Variants in FCGR1A observed in about 807,000 individuals in gnomAD.
The protein encoded by FCGR1A is Fc gamma receptor Ia, also known as high affinity immunoglobulin gamma Fc receptor I.
Under a neutral mutation model 35.0 loss-of-function variants are expected in FCGR1A, and 13 were observed. The ratio of observed to expected loss-of-function variants is 0.37; its 90% CI spans 0.24 to 0.59. The LOEUF is 0.59. Among genes scored for constraint, FCGR1A ranks in the 20% least tolerant of loss-of-function variants. The pLI is 0.71. For synonymous variants in FCGR1A, 91 were observed against 164.7 expected, an observed-to-expected ratio of 0.55 and a Z score of 3.43; for missense variants, 227 against 430.0, an observed-to-expected ratio of 0.53 and a Z score of 4.17.
At chr1:149,798,356 G>A in the FCGR1A span, among the ~76,000 whole-genome samples, 1 of 150,214 alleles carries the variant, frequency 6.7e-6, no homozygotes. Context: ...GATGGTATAG[G>A]CATAATTATA....
the FCGR1A span, among the ~76,000 whole-genome samples, chr1:149,797,152 A>G: frequency 6.6e-6 from 1 of 152,162 alleles, no homozygotes; most frequent in Non-Finnish European, 1.5e-5. Context: ...ACTTCAAATA[A>G]TTCACCCACC....
intron 3 of FCGR1A, chr1:149,787,110 G>A (rs1193866751): frequency 1.3e-5 from 2 of 152,262 alleles, no homozygotes; most frequent in African/African-American, 4.8e-5. Context: ...AGATGGCAGT[G>A]TTTGGGCAGT....
At chr1:149,792,294 A>C (rs1245572432), downstream of FCGR1A, 6 of 224,456 alleles carry the variant, frequency 2.7e-5, no homozygotes, top group African/African-American at 1.5e-4. Context: ...AAGTGGGGAG[A>C]AGCGGCGATA....
In FCGR1A at chr1:149,785,618, A is replaced by C. The variant is rs587647367; in HGVS notation, c.307+1361A>C. 3 of 151,468 alleles carry C rather than the reference A, an allele frequency of 2.0e-5. No individual in the cohort carries two copies. The East Asian group carries it at 5.8e-4, about 29-fold the overall frequency. The allele number at this position is 151,468 out of a possible 1,614,324, so 9.4% of individuals were successfully genotyped here. A position where few individuals can be genotyped will look rare whatever the true frequency, so the allele number is the denominator to read the frequency against. Reference sequence around the variant, plus strand: ...GTCCATTTTCTTTACCTCTACACAGACTCTAGGACACTCAGCATCAGTGAC... The same window carrying C: ...GTCCATTTTCTTTACCTCTACACAGCCTCTAGGACACTCAGCATCAGTGAC... On this transcript the variant is annotated intron_variant, in intron 3 of 5. Coordinates refer to ENST00000369168, the MANE Select transcript of FCGR1A (RefSeq NM_000566.4).
In FCGR1A at chr1:149,790,445, T is replaced by C. The variant is rs587741758; in HGVS notation, c.844+107T>C. The stretch of plus-strand genomic sequence containing the variant: ...TTTTGGCCCAGACAGGAGGGGAAAG[T>C]CTCTTCAGGAAAAGCCCACAAGCAG... On this transcript the variant is annotated intron_variant, in intron 5 of 5. Coordinates refer to ENST00000369168, the MANE Select transcript of FCGR1A (RefSeq NM_000566.4). 27 of 1,535,208 alleles carry C rather than the reference T, an allele frequency of 1.8e-5. No homozygotes were observed. In the African/African-American group the frequency reaches 2.6e-4, roughly 15 times the overall value.
chr1:149,797,294 G>C, the FCGR1A span, among the ~76,000 whole-genome samples: 1 of 151,846 alleles, frequency 6.6e-6, no homozygotes, highest in Non-Finnish European at 1.5e-5. Flanking sequence ...CTTTATTCAG[G>C]TATTTTACTT....
chr1:149,794,357 G>A (rs1263207585), downstream of FCGR1A, among the ~76,000 whole-genome samples: 1 of 151,620 alleles, frequency 6.6e-6, no homozygotes. Context: ...GGGGAACGGG[G>A]TAGCAAGAAG....
downstream of FCGR1A, chr1:149,792,429 C>T (rs1553752063): frequency 1.2e-6 from 1 of 810,746 alleles, no homozygotes; most frequent in African/African-American, 2.0e-5. Flanking sequence ...TATTTTCCTG[C>T]CACTGTGTAA....
intron 4 of FCGR1A, among the ~76,000 whole-genome samples, 157 bp from the exon 5 acceptor site, chr1:149,789,897 C>A (rs1433397328): frequency 2.6e-5 from 4 of 152,124 alleles, no homozygotes; most frequent in Admixed American, 2.6e-4. Context: ...TATTAGGACA[C>A]CCCAAGAATG....
At chr1:149,793,693 G>A (rs587727646), downstream of FCGR1A, among the ~76,000 whole-genome samples, 55 of 151,796 alleles carry the variant, frequency 3.6e-4, no homozygotes, top group African/African-American at 1.0e-3. Context: ...GAGCAGAACC[G>A]GCATTAGGTT....
chr1:149,794,268 A>AG (rs1378523493), downstream of FCGR1A, among the ~76,000 whole-genome samples: 37 of 151,058 alleles, frequency 2.4e-4, no homozygotes, highest in East Asian at 3.9e-4. Context: ...GAGAAAGAGA[A>AG]GGGGGGGGAA....
chr1:149,795,759 G>T (rs1392661098), downstream of FCGR1A, among the ~76,000 whole-genome samples: 2 of 150,222 alleles, frequency 1.3e-5, no homozygotes, highest in Non-Finnish European at 3.0e-5. Flanking sequence ...CTGTAAGGCC[G>T]CTTATAAAAA....
chr1:149,797,933 TA>T, the FCGR1A span, among the ~76,000 whole-genome samples: 1 of 151,896 alleles, frequency 6.6e-6, no homozygotes, highest in Admixed American at 6.6e-5. Flanking sequence ...GTTTTAATAT[TA>T]TTTGCCATGA....
chr1:149,786,448 C>G (rs2091551993), intron 3 of FCGR1A: 1 of 152,154 alleles, frequency 6.6e-6, no homozygotes, highest in Non-Finnish European at 1.5e-5. Context: ...TACTACAGTA[C>G]AATACACCAA....
At chr1:149,790,013 G>A (rs782116006) in intron 4 of FCGR1A, 41 bp from the exon 5 acceptor site, 3 of 1,611,882 alleles carry the variant, frequency 1.9e-6, no homozygotes, top group Admixed American at 1.7e-5. Flanking sequence ...GGACCTGGAT[G>A]CTAAACAGGC....
At position 149,784,130 on chromosome 1, in the gene FCGR1A, C is replaced by A. The variant is rs1462322124; in HGVS notation, c.180C>A (p.Gly60=). The A allele has an allele frequency of 1.2e-6, 2 of 1,611,698 alleles. No homozygotes were observed. The highest frequency in any genetic ancestry group is 1.7e-6 in the Non-Finnish European group (2 of 1,179,864). Residue 60 remains glycine (G), a synonymous_variant, in exon 3 of 6, where the codon GGC becomes GGA. Transcript: ENST00000369168. ...GCTCTACACAGTGGTTTCTCAATGG[C>A]ACAGCCACTCAGACCTCGACCCCCA... The part of the protein sequence containing the change: ...GSSSTQWFLN[G]TATQTSTPSY...
At chr1:149,785,279 G>A (rs2091510899) in intron 3 of FCGR1A, among the ~76,000 whole-genome samples, 1 of 152,046 alleles carries the variant, frequency 6.6e-6, no homozygotes, top group Non-Finnish European at 1.5e-5. Context: ...GCTGTTAGAG[G>A]AAATGTGTTT....
chr1:149,788,212 A>G lies in FCGR1A; in HGVS notation c.308-154A>G, dbSNP rs1169018861. ...ATTGCTTTTCTTTCCACCAAAGCTA[A>G]AGATATTTGAGGAACTGGATATAGG... On this transcript the variant is annotated intron_variant, in intron 3 of 5. Coordinates refer to ENST00000369168, the MANE Select transcript of FCGR1A (RefSeq NM_000566.4). 3.9e-6 allele frequency: 6 copies of G among 1,530,920 alleles called. No homozygotes were observed. In the Admixed American group the frequency reaches 1.3e-4, roughly 33 times the overall value. 94.8% of individuals were successfully genotyped at this position (1,530,920 alleles called of 1,614,324 possible).
chr1:149,793,278 G>A, downstream of FCGR1A: 1 of 1,212,490 alleles, frequency 8.2e-7, no homozygotes, highest in South Asian at 1.4e-5. Context: ...GAGTGGGAGA[G>A]GCCGCCCGCC....
Sources: gnomAD v4.1 joint callset for allele counts (sites outside exome capture counted in the v4.1 genomes callset) on GRCh38, gnomAD v4.1.1 for gene constraint, MANE v1.5 for transcripts, NCBI Gene and HGNC (gene_info 2026-07-23, HGNC 2026-07-21) for gene names.